MDM4: variants seen among roughly 807,000 people sequenced by gnomAD.
MDM4 encodes MDM4 regulator of p53.
In MDM4, 2 loss-of-function variants were observed where a neutral mutation model predicts 60.2. That is an observed-to-expected ratio of 0.03 (90% confidence interval 0.01 to 0.10). The LOEUF is 0.10. Ranked by LOEUF, MDM4 falls within the 10% of genes least tolerant of loss-of-function variation. The pLI is 1.00. For missense variants in MDM4, 447 were observed against 577.5 expected, an observed-to-expected ratio of 0.77 and a Z score of 2.32; for synonymous variants, 202 against 198.1, an observed-to-expected ratio of 1.02 and a Z score of -0.17.
intron 1 of MDM4, 106 bp from the exon 2 acceptor site, chr1:204,525,378 T>C (rs1660024247): frequency 7.0e-7 from 1 of 1,432,826 alleles, no homozygotes; most frequent in Non-Finnish European, 9.1e-7. Flanking sequence ...TGCTCCATTA[T>C]ATGTGTCATA....
intron 3 of MDM4, chr1:204,529,232 A>G: frequency 1.4e-6 from 1 of 729,624 alleles, no homozygotes; most frequent in Non-Finnish European, 2.5e-6. Flanking sequence ...ATCATGAGGC[A>G]GGTCTCATCA....
intron 1 of MDM4, among the ~76,000 whole-genome samples, chr1:204,517,697 C>T (rs943954253): frequency 5.3e-5 from 8 of 152,036 alleles, no homozygotes; most frequent in South Asian, 2.1e-4. Flanking sequence ...CCACCGTGCC[C>T]GGCCGAAAAC....
At chr1:204,536,657 TG>T (rs1259861396) in intron 5 of MDM4, among the ~76,000 whole-genome samples, 4 of 152,266 alleles carry the variant, frequency 2.6e-5, no homozygotes, top group Non-Finnish European at 5.9e-5. Flanking sequence ...GCCAAGTTTT[TG>T]TCTTTTGTTC....
At chr1:204,525,361 T>G in intron 1 of MDM4, 123 bp from the exon 2 acceptor site, 1 of 1,409,036 alleles carries the variant, frequency 7.1e-7, no homozygotes, top group Non-Finnish European at 9.2e-7. Flanking sequence ...ACAGCATTTG[T>G]GTACGGTGCT....
intron 3 of MDM4, chr1:204,528,715 T>C (rs1314074631): frequency 1.5e-6 from 1 of 649,086 alleles, no homozygotes; most frequent in African/African-American, 1.8e-5. Flanking sequence ...TTTGGAACAG[T>C]GTTGCATCAA....
chr1:204,549,325 A>G lies in MDM4; in HGVS notation c.1116A>G (p.Arg372=). ...CRRTISAPVV[R]PKDAYIKKEN... ...GAACCATTTCGGCTCCTGTCGTTAG[A>G]CCTAAAGATGCGTATATAAAGAAAG... The change falls in exon 11 of 11, where the codon AGA becomes AGG. Residue 372 remains arginine, a synonymous_variant. Coordinates refer to ENST00000367182, the MANE Select transcript of MDM4 (RefSeq NM_002393.5). 6.2e-7 allele frequency: 1 copy of G among 1,614,156 alleles called. No individual in the cohort carries two copies. Among genetic ancestry groups the G allele is most frequent in the Non-Finnish European group, 8.5e-7 (1 of 1,180,010 alleles).
At position 204,551,211 on chromosome 1, in the gene MDM4, G is replaced by C. The variant is rs2102465781; in HGVS notation, c.*1529G>C. 1 of 204,950 alleles carries C rather than the reference G, an allele frequency of 4.9e-6. No individual in the cohort carries two copies. The highest frequency in any genetic ancestry group is 7.5e-5 in the East Asian group (1 of 13,366). The allele number at this position is 204,950 out of a possible 1,614,324, so 12.7% of individuals were successfully genotyped here. ...GCGCGTGCCACCACCATGCCCAGCT[G>C]AATTTTGTATTTTTTGTACAGACAG... On this transcript the variant is annotated 3_prime_UTR_variant, in exon 11 of 11. Transcript: ENST00000367182.
At chr1:204,538,873 T>C (rs1317547579) in intron 7 of MDM4, among the ~76,000 whole-genome samples, 6 of 148,738 alleles carry the variant, frequency 4.0e-5, no homozygotes, top group Admixed American at 4.0e-4. Flanking sequence ...GCCTGGCTTT[T>C]TTTTTTTTTT....
rs1439661452 is a variant in MDM4, at chr1:204,556,048, A to G, written c.*6366A>G. The G allele has an allele frequency of 2.8e-5, 6 of 217,012 alleles. 1 individual carries two copies. Among genetic ancestry groups the G allele is most frequent in the East Asian group, 1.4e-4 (2 of 14,482 alleles). The allele number at this position is 217,012 out of a possible 1,614,324, so 13.4% of individuals were successfully genotyped here. ...GGGAAGAAAACAGCATTTTAAAGTA[A>G]CTTTTTGGGAGACTGATTTGAGTAA... is the stretch of plus-strand genomic sequence containing the variant. On this transcript the variant is annotated 3_prime_UTR_variant, in exon 11 of 11. Coordinates refer to ENST00000367182, the MANE Select transcript of MDM4 (RefSeq NM_002393.5).
At chr1:204,529,673 C>T (rs992648454) in intron 3 of MDM4, 10 of 625,198 alleles carry the variant, frequency 1.6e-5, no homozygotes, top group African/African-American at 7.4e-5. Flanking sequence ...AGGGCAGCCC[C>T]GCCCATACAG....
At chr1:204,537,110 C>T (rs1405713901) in intron 5 of MDM4, 4 of 321,162 alleles carry the variant, frequency 1.2e-5, no homozygotes, top group African/African-American at 8.8e-5. Flanking sequence ...CAAAAATAGA[C>T]TCCATTATGT....
At chr1:204,532,136 A>AT in intron 4 of MDM4, 55 bp from the exon 5 acceptor site, 3 of 1,036,666 alleles carry the variant, frequency 2.9e-6, no homozygotes, top group Non-Finnish European at 4.6e-6. Flanking sequence ...CAAACCACTG[A>AT]TATCTTCATA....
At position 204,546,892 on chromosome 1, in the gene MDM4, C is replaced by T. The variant is rs1164809147; in HGVS notation, c.903+15C>T. 1 of 1,560,514 alleles carries T rather than the reference C, an allele frequency of 6.4e-7. No homozygotes were observed. The highest frequency in any genetic ancestry group is 8.8e-7 in the Non-Finnish European group (1 of 1,132,846). ...TTACCTCTGAGGTATGAATCTTTAGCAAGAACTATTTTGCACCAGCCCCAT... is the reference window on the plus strand; with the variant it reads ...TTACCTCTGAGGTATGAATCTTTAGTAAGAACTATTTTGCACCAGCCCCAT... On this transcript the variant is annotated intron_variant, in intron 10 of 10. Coordinates refer to ENST00000367182, the MANE Select transcript of MDM4 (RefSeq NM_002393.5).
intron 1 of MDM4, among the ~76,000 whole-genome samples, chr1:204,523,472 AATTTTT>A (rs1659780283): frequency 1.1e-5 from 1 of 89,064 alleles, no homozygotes; most frequent in African/African-American, 3.3e-5. Context: ...ACCTAAAAAA[AATTTTT>A]TTTTTTTTTT....
intron 5 of MDM4, among the ~76,000 whole-genome samples, chr1:204,536,740 C>T (rs1050379471): frequency 6.6e-6 from 1 of 152,336 alleles, no homozygotes; most frequent in South Asian, 2.1e-4. Context: ...CTAAGAATTT[C>T]TCTGTACTGT....
At chr1:204,543,397 T>G (rs1300541387) in intron 8 of MDM4, among the ~76,000 whole-genome samples, 1 of 152,226 alleles carries the variant, frequency 6.6e-6, no homozygotes, top group Non-Finnish European at 1.5e-5. Context: ...TAGTAATAAC[T>G]GATTCAGCCC....
At chr1:204,532,109 C>G (rs547677072) in intron 4 of MDM4, 82 bp from the exon 5 acceptor site, 1 of 816,400 alleles carries the variant, frequency 1.2e-6, no homozygotes, top group Admixed American at 2.0e-5. Context: ...ATCAGAAATA[C>G]ATTTAATATT....
rs779696576 is a variant in MDM4, at chr1:204,525,577, C to T, written c.59C>T (p.Ser20Phe). ...CSTSDSACRI[S>F]PGQINQVRPK... ...ACATCTGACAGTGCTTGCAGGATCTCTCCTGGACAAATCAATCAGGTAAAT... is the reference window on the plus strand; with the variant it reads ...ACATCTGACAGTGCTTGCAGGATCTTTCCTGGACAAATCAATCAGGTAAAT... Residue 20 changes from serine (S) to phenylalanine (F), a missense_variant, in exon 2 of 11, where the codon TCT becomes TTT. Ser to Phe is a radical substitution (Grantham distance 155, BLOSUM62 -2). Around this residue, in one of 8 missense-constraint regions of MDM4, gnomAD observed 33 missense variants for 28.8 expected, o/e 1.15. Transcript: ENST00000367182. 1 of 1,600,286 alleles carries T rather than the reference C, an allele frequency of 6.2e-7. No individual in the cohort carries two copies. The highest frequency in any genetic ancestry group is 8.5e-7 in the Non-Finnish European group (1 of 1,172,676).
At position 204,549,610 on chromosome 1, in the gene MDM4, A is replaced by G. The variant is rs912908688; in HGVS notation, c.1401A>G (p.Leu467=). 4.4e-6 allele frequency: 7 copies of G among 1,606,612 alleles called. No individual in the cohort carries two copies. The highest frequency in any genetic ancestry group is 2.2e-5 in the East Asian group (1 of 44,860). The change falls in exon 11 of 11, where the codon CTA becomes CTG. Residue 467 remains leucine (L), a synonymous_variant. Transcript: ENST00000367182. ...CTTGTTTTCACTGTGCCAGAAGACT[A>G]AAGAAGGCTGGGGCTTCATGCCCTA... The part of the protein sequence containing the change: ...LVTCFHCARR[L]KKAGASCPIC...
Sources: gnomAD v4.1 joint callset for allele counts (sites outside exome capture counted in the v4.1 genomes callset) on GRCh38, gnomAD v4.1.1 for gene constraint, gnomAD v4.1.1 regional missense constraint, MANE v1.5 for transcripts, NCBI Gene and HGNC (gene_info 2026-07-23, HGNC 2026-07-21) for gene names.